Variants in RIMS1 observed in about 807,000 individuals in gnomAD.
RIMS1 encodes regulating synaptic membrane exocytosis 1, also known as regulating synaptic membrane exocytosis protein 1.
RIMS1 carries 83 observed loss-of-function variants against 214.1 expected under a neutral mutation model. The observed-to-expected ratio is 0.39, with a 90% CI of 0.32 to 0.47. The LOEUF (loss-of-function observed/expected upper bound fraction) is 0.47. Among genes scored for constraint, RIMS1 ranks in the 20% least tolerant of loss-of-function variants. The pLI is 0.99. For missense variants in RIMS1, 2,050 were observed against 2,161.8 expected (o/e 0.95, Z 1.03); for synonymous variants, 793 against 786.8 (o/e 1.01, Z -0.13).
intron 2 of RIMS1, among the ~76,000 whole-genome samples, chr6:72,079,982 A>T (rs1381850977): frequency 1.2e-4 from 18 of 147,984 alleles, no homozygotes; most frequent in Admixed American, 1.2e-3. Flanking sequence ...CATTCCTGTA[A>T]TGCCAACACT....
At chr6:71,987,994 G>A (rs532522109) in intron 2 of RIMS1, among the ~76,000 whole-genome samples, 1 of 152,182 alleles carries the variant, frequency 6.6e-6, no homozygotes, top group African/African-American at 2.4e-5. Flanking sequence ...AGGAAAGTAA[G>A]ACTGCCAAAG....
At chr6:71,946,768 CA>C (rs56142618) in intron 1 of RIMS1, among the ~76,000 whole-genome samples, 56 of 144,634 alleles carry the variant, frequency 3.9e-4, no homozygotes, top group African/African-American at 1.2e-3. Flanking sequence ...GCAACGAAAG[CA>C]AAAAAAAAAT....
chr6:72,220,317 A>G (rs376960387), intron 6 of RIMS1, among the ~76,000 whole-genome samples: 1 of 152,144 alleles, frequency 6.6e-6, no homozygotes, highest in African/African-American at 2.4e-5. Flanking sequence ...TGAGAAATAA[A>G]GGAAGCAATG....
chr6:72,237,675 CAAA>C (rs879121321), intron 8 of RIMS1, 145 bp from the exon 9 acceptor site: 636 of 510,584 alleles, frequency 1.2e-3, no homozygotes, highest in South Asian at 2.0e-3. Context: ...GATCCCATCT[CAAA>C]AAAAAAAAAA....
intron 6 of RIMS1, chr6:72,216,703 G>A: frequency 1.0e-6 from 1 of 984,914 alleles, no homozygotes; most frequent in Non-Finnish European, 1.2e-6. Flanking sequence ...GGGTATCCCA[G>A]TGAGTGTCAG....
At chr6:72,240,802 A>C (rs928809874) in intron 9 of RIMS1, among the ~76,000 whole-genome samples, 15 of 151,750 alleles carry the variant, frequency 9.9e-5, no homozygotes, top group Admixed American at 6.6e-4. Context: ...TGAGTTTAGG[A>C]GTTCAGGAGA....
chr6:72,019,938 G>A (rs1814077667), intron 2 of RIMS1, among the ~76,000 whole-genome samples: 1 of 152,158 alleles, frequency 6.6e-6, no homozygotes, highest in East Asian at 1.9e-4. Flanking sequence ...GGCATGTCTT[G>A]TTTTGCCAAG....
intron 2 of RIMS1, among the ~76,000 whole-genome samples, chr6:71,979,815 T>A (rs1562017368): frequency 6.6e-6 from 1 of 152,052 alleles, no homozygotes; most frequent in Admixed American, 6.6e-5. Flanking sequence ...TTGGAAAATT[T>A]TCCTAAGTGA....
At chr6:71,888,329 GTCCC>G (rs953534316) in intron 1 of RIMS1, among the ~76,000 whole-genome samples, 2 of 152,156 alleles carry the variant, frequency 1.3e-5, no homozygotes, top group African/African-American at 4.8e-5. Flanking sequence ...ACTCCTTGGT[GTCCC>G]CTGCTTAGGC....
intron 2 of RIMS1, among the ~76,000 whole-genome samples, chr6:72,015,857 C>G (rs1253332642): frequency 6.6e-6 from 1 of 152,036 alleles, no homozygotes; most frequent in Non-Finnish European, 1.5e-5. Context: ...ACCCGGGAGG[C>G]AGAGGTTGCA....
chr6:72,136,850 C>G (rs566880417), intron 4 of RIMS1, among the ~76,000 whole-genome samples: 1 of 151,982 alleles, frequency 6.6e-6, no homozygotes, highest in Non-Finnish European at 1.5e-5. Context: ...AAATATAATA[C>G]AGCCTCCTAA....
At chr6:72,253,847 A>G (rs924177725) in intron 16 of RIMS1, among the ~76,000 whole-genome samples, 1 of 152,076 alleles carries the variant, frequency 6.6e-6, no homozygotes, top group Non-Finnish European at 1.5e-5. Context: ...CCTATAATTC[A>G]GAGAATATAT....
At chr6:72,292,743 C>T (rs1280366039) in intron 26 of RIMS1, among the ~76,000 whole-genome samples, 1 of 152,082 alleles carries the variant, frequency 6.6e-6, no homozygotes, top group Non-Finnish European at 1.5e-5. Context: ...TAGTAGATGA[C>T]ATGACTTGTT....
intron 1 of RIMS1, among the ~76,000 whole-genome samples, chr6:71,892,270 C>A (rs113853432): frequency 0.016 from 2,371 of 152,324 alleles, 40 homozygotes; most frequent in Non-Finnish European, 0.022. Context: ...ATGCATTTGA[C>A]TGGATGCTTT....
intron 4 of RIMS1, among the ~76,000 whole-genome samples, chr6:72,170,243 T>C (rs1430230684): frequency 6.6e-6 from 1 of 152,232 alleles, no homozygotes; most frequent in Non-Finnish European, 1.5e-5. Context: ...TATATTGTAC[T>C]CTACCACCAC....
intron 2 of RIMS1, among the ~76,000 whole-genome samples, chr6:72,043,016 T>C (rs1211259004): frequency 6.6e-6 from 1 of 151,824 alleles, no homozygotes; most frequent in Non-Finnish European, 1.5e-5. Context: ...TTGAATTGGA[T>C]ATGAAAATGA....
intron 4 of RIMS1, among the ~76,000 whole-genome samples, chr6:72,109,312 C>A (rs1304054395): frequency 6.6e-6 from 1 of 151,654 alleles, no homozygotes; most frequent in Non-Finnish European, 1.5e-5. Flanking sequence ...TTTACAGTCC[C>A]ACCAACGGTG....
At chr6:72,259,444 C>T (rs2077090253) in intron 18 of RIMS1, among the ~76,000 whole-genome samples, 1 of 151,870 alleles carries the variant, frequency 6.6e-6, no homozygotes, top group South Asian at 2.1e-4. Flanking sequence ...TATTGTGGGT[C>T]ACAATATTTG....
At chr6:72,054,405 A>G (rs997376578) in intron 2 of RIMS1, among the ~76,000 whole-genome samples, 1 of 152,118 alleles carries the variant, frequency 6.6e-6, no homozygotes, top group African/African-American at 2.4e-5. Context: ...ATGTGTCTTT[A>G]TAGTAGAATG....
Sources: allele counts gnomAD v4.1 joint callset (sites outside exome capture counted in the v4.1 genomes callset), GRCh38; gene constraint gnomAD v4.1.1; transcripts MANE v1.5; gene names NCBI Gene and HGNC (gene_info 2026-07-23, HGNC 2026-07-21).